Variants in ZNF407 observed in about 807,000 individuals in gnomAD.
ZNF407 encodes the protein zinc finger protein 407.
A neutral mutation model predicts 131.2 loss-of-function variants in ZNF407; 17 were observed. The ratio of observed to expected loss-of-function variants is 0.13; its 90% confidence interval spans 0.09 to 0.19. ZNF407 has a LOEUF of 0.19. Ranked by LOEUF, ZNF407 falls within the 10% of genes least tolerant of loss-of-function variation. The pLI, the probability that ZNF407 is intolerant of heterozygous loss-of-function variation, is 1.00. For synonymous variants in ZNF407, 1,156 were observed against 1,062.0 expected (o/e 1.09, Z -1.72); for missense variants, 2,681 against 2,830.6 (o/e 0.95, Z 1.20).
At chr18:74,757,027 A>G (rs1968980228) in intron 3 of ZNF407, among the ~76,000 whole-genome samples, 1 of 151,670 alleles carries the variant, frequency 6.6e-6, no homozygotes, top group African/African-American at 2.4e-5. Context: ...GTCATTTTTG[A>G]TGATCTTTCC....
At chr18:74,627,941 C>T (rs1426992827) in intron 1 of ZNF407, among the ~76,000 whole-genome samples, 4 of 148,688 alleles carry the variant, frequency 2.7e-5, no homozygotes, top group Non-Finnish European at 5.9e-5. Flanking sequence ...GTGGTTCAGT[C>T]GTAGCTCACT....
intron 8 of ZNF407, among the ~76,000 whole-genome samples, chr18:74,941,809 G>A (rs1027839517): frequency 6.6e-6 from 1 of 152,140 alleles, no homozygotes; most frequent in Non-Finnish European, 1.5e-5. Flanking sequence ...TCGCAACAAC[G>A]GTGATGATGT....
chr18:74,932,900 C>G (rs984228892), intron 8 of ZNF407, among the ~76,000 whole-genome samples: 3 of 152,186 alleles, frequency 2.0e-5, no homozygotes, highest in Non-Finnish European at 4.4e-5. Context: ...ATTGCGAGTG[C>G]TGACAAGGAT....
At chr18:74,916,815 C>T (rs1195899414) in intron 7 of ZNF407, among the ~76,000 whole-genome samples, 1 of 146,010 alleles carries the variant, frequency 6.8e-6, no homozygotes, top group Non-Finnish European at 1.5e-5. Flanking sequence ...CATGTGTGTG[C>T]TGGTATGGTG....
rs1351430481 is a variant in ZNF407, at chr18:74,622,730, GTGTGTC to G, written c.-53-8232_-53-8227del. ...TTCTTTATGGCATCACCATAGTGGT[GTGTGTC>G]TGTGAGTGTGTGTGTGAATGAATAT... On this transcript the variant is annotated intron_variant, in intron 1 of 8. Coordinates refer to ENST00000299687, the MANE Select transcript of ZNF407 (RefSeq NM_017757.3). Among the ~76,000 whole-genome samples, 6 of 44,560 alleles carry G rather than the reference GTGTGTC, an allele frequency of 1.3e-4. No homozygotes were observed. In the South Asian group the frequency reaches 2.2e-3, roughly 16 times the overall value. 29.2% of individuals were successfully genotyped at this position (44,560 alleles called of 152,430 possible).
chr18:74,934,312 T>C (rs879904390), intron 8 of ZNF407, among the ~76,000 whole-genome samples: 4 of 152,208 alleles, frequency 2.6e-5, no homozygotes, highest in Non-Finnish European at 4.4e-5. Flanking sequence ...TTTTTTCTCA[T>C]TGAGAGAGTA....
At chr18:74,831,138 ATG>A (rs1334313183) in intron 4 of ZNF407, among the ~76,000 whole-genome samples, 1 of 152,164 alleles carries the variant, frequency 6.6e-6, no homozygotes, top group East Asian at 1.9e-4. Flanking sequence ...TTCATTGTGT[ATG>A]TATATATACC....
Position 74,728,855 on chromosome 18 carries a change from A to G in ZNF407, c.4803-52573A>G, listed in dbSNP as rs557016788. ...AGGAAAGGCTTGAAGTTGAAAGAGA[A>G]CCACTTAAGTGCCTGGGGAATTTTA... is the stretch of plus-strand genomic sequence containing the variant. On this transcript the variant is annotated intron_variant, in intron 3 of 8. Transcript: ENST00000299687. Among the ~76,000 whole-genome samples, 22 of 152,248 alleles carry G rather than the reference A, an allele frequency of 1.4e-4. 1 individual carries two copies. In the South Asian group the frequency reaches 4.1e-3, roughly 29 times the overall value.
chr18:75,006,160 T>C (rs1401512676), intron 8 of ZNF407, among the ~76,000 whole-genome samples: 1 of 152,220 alleles, frequency 6.6e-6, no homozygotes, highest in Non-Finnish European at 1.5e-5. Context: ...ATATTCTTCC[T>C]CTGCACTGCC....
chr18:75,011,334 T>C (rs952933799), intron 8 of ZNF407, among the ~76,000 whole-genome samples: 11 of 152,162 alleles, frequency 7.2e-5, no homozygotes, highest in African/African-American at 2.7e-4. Context: ...TTGAATACTA[T>C]ACATTTAATT....
At chr18:75,050,252 T>C (rs111732330) in intron 8 of ZNF407, among the ~76,000 whole-genome samples, 3,384 of 152,296 alleles carry the variant, frequency 0.022, 47 homozygotes, top group African/African-American at 0.029. Context: ...TCAAGCACAA[T>C]GCTAAGTATT....
chr18:74,996,287 G>T (rs542273136), intron 8 of ZNF407, among the ~76,000 whole-genome samples: 2 of 152,208 alleles, frequency 1.3e-5, no homozygotes, highest in South Asian at 2.1e-4. Context: ...CTGGCCTCCT[G>T]TGTGAATAAG....
At chr18:74,719,915 C>T (rs187000710) in intron 3 of ZNF407, among the ~76,000 whole-genome samples, 281 of 152,268 alleles carry the variant, frequency 1.8e-3, no homozygotes, top group Middle Eastern at 0.017. Context: ...TTGTTGGGCA[C>T]CTTTATGTCT....
chr18:74,631,640 T>C lies in ZNF407; in HGVS notation c.621T>C (p.Ser207=), dbSNP rs1368853597. ...CTGACTTGGAAAAACATGCTGAGTCTCACATGCAGCAGCCTAAGGAACATA... is the reference window on the plus strand; with the variant it reads ...CTGACTTGGAAAAACATGCTGAGTCCCACATGCAGCAGCCTAAGGAACATA... ...SCSDLEKHAE[S]HMQQPKEHTC... Residue 207 remains serine, a synonymous_variant, in exon 2 of 9, where the codon TCT becomes TCC. Transcript: ENST00000299687. The C allele has an allele frequency of 6.2e-7, 1 of 1,613,926 alleles. No individual in the cohort carries two copies. Among genetic ancestry groups the C allele is most frequent in the Non-Finnish European group, 8.5e-7 (1 of 1,179,882 alleles).
chr18:74,725,216 A>G (rs999318236), intron 3 of ZNF407, among the ~76,000 whole-genome samples: 2 of 152,140 alleles, frequency 1.3e-5, no homozygotes, highest in South Asian at 4.1e-4. Context: ...GCTCACTGCT[A>G]CCTTGACCTC....
chr18:74,887,748 G>T (rs1971329973), intron 6 of ZNF407, among the ~76,000 whole-genome samples: 1 of 152,050 alleles, frequency 6.6e-6, no homozygotes, highest in Admixed American at 6.6e-5. Context: ...ATTTTTAGTT[G>T]TCTTTAATCC....
intron 3 of ZNF407, among the ~76,000 whole-genome samples, chr18:74,690,865 A>T (rs1378260740): frequency 6.6e-6 from 1 of 152,240 alleles, no homozygotes; most frequent in Non-Finnish European, 1.5e-5. Flanking sequence ...TCATACCTTG[A>T]GAAGGAATCT....
intron 3 of ZNF407, among the ~76,000 whole-genome samples, chr18:74,715,423 A>T (rs72969693): frequency 0.067 from 10,257 of 152,276 alleles, 408 homozygotes; most frequent in East Asian, 0.11. Flanking sequence ...CAAGAAAGTC[A>T]TGCAGCCAGT....
At chr18:75,058,204 C>T (rs1394329065) in intron 8 of ZNF407, among the ~76,000 whole-genome samples, 2 of 152,168 alleles carry the variant, frequency 1.3e-5, no homozygotes, top group Non-Finnish European at 2.9e-5. Flanking sequence ...TTCAAGCACG[C>T]AGAAGGAGCT....
Sources: gnomAD v4.1 joint callset for allele counts (sites outside exome capture counted in the v4.1 genomes callset) on GRCh38, gnomAD v4.1.1 for gene constraint, MANE v1.5 for transcripts, NCBI Gene and HGNC (gene_info 2026-07-23, HGNC 2026-07-21) for gene names.